CPLX2: variants seen among roughly 807,000 people sequenced by gnomAD.
CPLX2 encodes the protein complexin-2.
In CPLX2, 5 loss-of-function variants were observed where a neutral mutation model predicts 16.3. The ratio of observed to expected loss-of-function variants is 0.31; its 90% CI spans 0.16 to 0.64. CPLX2 has a LOEUF of 0.64. CPLX2 is among the 30% of genes least tolerant of loss of function. The probability of loss-of-function intolerance (pLI) is 0.79; values close to 1 mark genes in which losing one functional copy is unlikely to be tolerated. For synonymous variants in CPLX2, 89 were observed against 73.2 expected, an observed-to-expected ratio of 1.22 and a Z score of -1.10; for missense variants, 144 against 181.4, an observed-to-expected ratio of 0.79 and a Z score of 1.18.
At chr5:175,838,128 G>A (rs562000716) in intron 2 of CPLX2, among the ~76,000 whole-genome samples, 9 of 152,158 alleles carry the variant, frequency 5.9e-5, no homozygotes, top group African/African-American at 1.2e-4. Flanking sequence ...TGCAAAAGAC[G>A]GAAACATAGA....
rs1252010566 is a variant in CPLX2 at position 175,882,631 on chromosome 5, C to T, written c.*2586C>T. On this transcript the variant is annotated 3_prime_UTR_variant, in exon 4 of 4. Transcript: ENST00000393745. The stretch of plus-strand genomic sequence containing the variant: ...CAGCCCCACCCTGATGCCTGCCCTC[C>T]AGGATGGCTGGTTTAGTCTGGGTCC... 3.3e-5 allele frequency: 5 copies of T among 152,758 alleles called. No individual in the cohort carries two copies. Among genetic ancestry groups the T allele is most frequent in the Non-Finnish European group, 7.3e-5 (5 of 68,144 alleles). 9.5% of individuals were successfully genotyped at this position (152,758 alleles called of 1,614,324 possible).
At position 175,854,690 on chromosome 5, in the gene CPLX2, T is replaced by C. The variant is rs113479532; in HGVS notation, c.-88-23962T>C. The stretch of plus-strand genomic sequence containing the variant: ...AACTCACTGTTAAGAAGGAAAAGCC[T>C]AAATATGTATACAAAGATAAGTAAA... On this transcript the variant is annotated intron_variant, in intron 2 of 4. Coordinates refer to the CPLX2 transcript ENST00000359546. 1.6e-3 allele frequency among the ~76,000 whole-genome samples: 249 copies of C among 152,270 alleles called. 1 individual carries two copies. The highest frequency in any genetic ancestry group is 5.6e-3 in the African/African-American group (231 of 41,544).
chr5:175,837,809 C>T (rs1276182409), intron 2 of CPLX2: 1 of 152,228 alleles, frequency 6.6e-6, no homozygotes, highest in Non-Finnish European at 1.5e-5. Context: ...ATGATGCTCC[C>T]TGTTGGTTGG....
chr5:175,840,999 C>G (rs1758934743), intron 2 of CPLX2, among the ~76,000 whole-genome samples: 1 of 152,204 alleles, frequency 6.6e-6, no homozygotes, highest in Admixed American at 6.5e-5. Flanking sequence ...ACCAGCCTCC[C>G]ACACCACAGT....
intron 2 of CPLX2, among the ~76,000 whole-genome samples, chr5:175,821,381 C>G (rs1758505341): frequency 6.6e-6 from 1 of 152,214 alleles, no homozygotes; most frequent in East Asian, 1.9e-4. Context: ...TACTCTCCTT[C>G]TCCTAAATTT....
rs575530412 is a variant in CPLX2, at chr5:175,849,147, G to A, written c.-88-29505G>A. On this transcript the variant is annotated intron_variant, in intron 2 of 4. Transcript: ENST00000359546. This position sits in a 1 kb window ranked among gnomAD's most constrained non-coding sequence, Gnocchi z 4.4. ...GTGTGTGTTTTTAACACCAGCCAGT[G>A]CTGCCGTGTGTGCAGGACCGATGTC... Among the ~76,000 whole-genome samples, 1 of 152,288 alleles carries A rather than the reference G, an allele frequency of 6.6e-6. No individual in the cohort carries two copies. The highest frequency in any genetic ancestry group is 1.9e-4 in the East Asian group (1 of 5,184).
rs116033854 is a variant in CPLX2, at chr5:175,845,535, G to A, written c.-88-33117G>A. ...GAGGGCCACTCCCCCTAGAGTAACT[G>A]CCCCCATCTGCGTCACTGTGTGTTA... On this transcript the variant is annotated intron_variant, in intron 2 of 4. Transcript: ENST00000359546. The surrounding 1 kb of genome is among the most constrained non-coding windows in gnomAD (Gnocchi z 4.0). Among the ~76,000 whole-genome samples the A allele has an allele frequency of 3.6e-3, 554 of 152,266 alleles. 6 individuals are homozygous for A. Among genetic ancestry groups the A allele is most frequent in the African/African-American group, 0.013 (526 of 41,554 alleles).
intron 2 of CPLX2, among the ~76,000 whole-genome samples, chr5:175,865,789 G>A (rs1759465007): frequency 6.6e-6 from 1 of 152,214 alleles, no homozygotes; most frequent in Admixed American, 6.5e-5. Flanking sequence ...CTGGGCAAAA[G>A]ATGCAAATTC....
intron 2 of CPLX2, among the ~76,000 whole-genome samples, chr5:175,836,164 C>T (rs990952570): frequency 2.0e-5 from 3 of 152,074 alleles, no homozygotes; most frequent in Non-Finnish European, 4.4e-5. Context: ...TCCTGGCTAA[C>T]ACGGTGAAAC....
intron 2 of CPLX2, among the ~76,000 whole-genome samples, chr5:175,858,437 G>C (rs890609498): frequency 3.3e-5 from 5 of 152,226 alleles, no homozygotes; most frequent in African/African-American, 1.2e-4. Flanking sequence ...CCCTGGCAGG[G>C]AGCATGGGCC....
chr5:175,873,931 A>T (rs1441022029), intron 1 of CPLX2, among the ~76,000 whole-genome samples: 1 of 152,254 alleles, frequency 6.6e-6, no homozygotes, highest in Non-Finnish European at 1.5e-5. Flanking sequence ...TGGGAATAGC[A>T]TGCACAAATG....
chr5:175,834,674 A>T (rs894394280), intron 2 of CPLX2, among the ~76,000 whole-genome samples: 1 of 152,158 alleles, frequency 6.6e-6, no homozygotes, highest in African/African-American at 2.4e-5. Flanking sequence ...AGACATCAAG[A>T]CCATCCTGGC....
chr5:175,853,890 T>C (rs56302919), intron 2 of CPLX2, among the ~76,000 whole-genome samples: 9,114 of 152,192 alleles, frequency 0.06, 943 homozygotes, highest in African/African-American at 0.21. Context: ...AGAGGCTCCC[T>C]GAGTTCATGC....
At position 175,880,399 on chromosome 5, in the gene CPLX2, G is replaced by A. The variant is rs1200072725; in HGVS notation, c.*354G>A. The A allele has an allele frequency of 2.6e-6, 1 of 378,360 alleles. No individual in the cohort carries two copies. The allele number at this position is 378,360 out of a possible 1,614,324, so 23.4% of individuals were successfully genotyped here. ...ACTGTCCCCAGCCAGCCAAAGTAAT[G>A]ACACATTCCAGCCCTGCCCAGCATG... On this transcript the variant is annotated 3_prime_UTR_variant, in exon 4 of 4. Coordinates refer to ENST00000393745, the MANE Select transcript of CPLX2 (RefSeq NM_001008220.2).
chr5:175,806,020 T>C (rs1226573001), intron 1 of CPLX2, among the ~76,000 whole-genome samples: 6 of 152,186 alleles, frequency 3.9e-5, no homozygotes, highest in Admixed American at 6.5e-5. Context: ...CCACAGCCTG[T>C]TAAGAGCACC....
At chr5:175,867,896 A>T (rs1457869149), upstream of CPLX2, among the ~76,000 whole-genome samples, 3 of 152,178 alleles carry the variant, frequency 2.0e-5, no homozygotes, top group Admixed American at 1.3e-4. Flanking sequence ...CCTCACAGTG[A>T]TGGCACCCGG....
rs1029570257 is a variant in CPLX2 at position 175,830,929 on chromosome 5, G to T, written c.-89+21861G>T. ...AGGGGCCTTAGAGCCCAAGGGAAAC[G>T]TGCGTGTGTTCGTGCTCACACAGTT... is the stretch of plus-strand genomic sequence containing the variant. On this transcript the variant is annotated intron_variant, in intron 2 of 4. Transcript: ENST00000359546. The surrounding 1 kb of genome is among the most constrained non-coding windows in gnomAD (Gnocchi z 4.0). Among the ~76,000 whole-genome samples, 2 of 152,208 alleles carry T rather than the reference G, an allele frequency of 1.3e-5. No homozygotes were observed. Among genetic ancestry groups the T allele is most frequent in the African/African-American group, 4.8e-5 (2 of 41,460 alleles).
At chr5:175,871,363 G>C (rs1168768116), upstream of CPLX2, 1 of 139,094 alleles carries the variant, frequency 7.2e-6, no homozygotes, top group Admixed American at 7.1e-5. Flanking sequence ...GGGAGAGAGG[G>C]AGAGAAGGAG....
intron 2 of CPLX2, among the ~76,000 whole-genome samples, chr5:175,842,058 G>A (rs1042588636): frequency 1.3e-5 from 2 of 152,170 alleles, no homozygotes; most frequent in Non-Finnish European, 2.9e-5. Context: ...GAATTGCAGC[G>A]AAGACAGAGA....
Sources: gnomAD v4.1 joint callset for allele counts (sites outside exome capture counted in the v4.1 genomes callset) on GRCh38, gnomAD v4.1.1 for gene constraint, Gnocchi (gnomAD v3.1) non-coding constraint, MANE v1.5 for transcripts, NCBI Gene and HGNC (gene_info 2026-07-23, HGNC 2026-07-21) for gene names.